Variants in PDE4B observed in about 807,000 individuals in gnomAD.
PDE4B encodes the protein phosphodiesterase 4B.
Under a neutral mutation model 82.2 loss-of-function variants are expected in PDE4B, and 20 were observed. That is an observed-to-expected ratio of 0.24 (90% CI 0.17 to 0.35). The LOEUF (loss-of-function observed/expected upper bound fraction) is 0.35. PDE4B is among the 10% of genes least tolerant of loss of function. PDE4B has a pLI of 1.00. For synonymous variants in PDE4B, 320 were observed against 318.9 expected (o/e 1.00, Z -0.04); for missense variants, 655 against 907.2 (o/e 0.72, Z 3.57).
chr1:66,317,166 C>G (rs750238594), intron 7 of PDE4B, among the ~76,000 whole-genome samples: 1 of 152,184 alleles, frequency 6.6e-6, no homozygotes, highest in South Asian at 2.1e-4. Context: ...GTTAATCTTT[C>G]CTAACACACA....
intron 7 of PDE4B, among the ~76,000 whole-genome samples, chr1:66,304,659 A>G (rs1658142170): frequency 6.6e-6 from 1 of 152,116 alleles, no homozygotes. Flanking sequence ...ATCATCTGGG[A>G]AGCCTTTTGA....
intron 3 of PDE4B, among the ~76,000 whole-genome samples, chr1:66,036,554 A>G (rs1158216403): frequency 6.6e-6 from 1 of 152,114 alleles, no homozygotes; most frequent in African/African-American, 2.4e-5. Context: ...CTGTTTTCTC[A>G]ACAGCATTTA....
chr1:66,083,456 A>G (rs1289476377), intron 3 of PDE4B, among the ~76,000 whole-genome samples: 2 of 152,130 alleles, frequency 1.3e-5, no homozygotes, highest in African/African-American at 2.4e-5. Context: ...AAGGGGTGCT[A>G]GGTATTGTAC....
intron 7 of PDE4B, among the ~76,000 whole-genome samples, chr1:66,306,025 T>A (rs551887485): frequency 6.6e-6 from 1 of 152,114 alleles, no homozygotes; most frequent in Non-Finnish European, 1.5e-5. Context: ...AAGCCTGATG[T>A]AGGCCTTGAT....
chr1:66,286,413 C>T (rs1656680561), intron 7 of PDE4B, among the ~76,000 whole-genome samples: 1 of 152,070 alleles, frequency 6.6e-6, no homozygotes. Context: ...AGATGCAGGA[C>T]TAGGTGATTT....
At chr1:66,018,315 G>T (rs1652894702) in intron 3 of PDE4B, among the ~76,000 whole-genome samples, 1 of 152,184 alleles carries the variant, frequency 6.6e-6, no homozygotes, top group South Asian at 2.1e-4. Flanking sequence ...AGCTAGTCGG[G>T]AGGCTGAGGT....
intron 12 of PDE4B, among the ~76,000 whole-genome samples, chr1:66,364,954 T>C (rs1663120659): frequency 6.6e-6 from 1 of 152,128 alleles, no homozygotes; most frequent in Non-Finnish European, 1.5e-5. Context: ...TCACAGAGGA[T>C]GAGGAAAGAC....
chr1:66,287,749 C>G (rs1337105806), intron 7 of PDE4B, among the ~76,000 whole-genome samples: 1 of 152,130 alleles, frequency 6.6e-6, no homozygotes, highest in Non-Finnish European at 1.5e-5. Context: ...GGGAGGATTT[C>G]TTGAGGCCAG....
At chr1:66,162,359 T>A (rs1203952951) in intron 3 of PDE4B, among the ~76,000 whole-genome samples, 1 of 126,728 alleles carries the variant, frequency 7.9e-6, no homozygotes, top group African/African-American at 2.8e-5. Flanking sequence ...CATTCACATA[T>A]AGCATCTAAT....
chr1:66,204,286 C>T (rs958309063), intron 3 of PDE4B, among the ~76,000 whole-genome samples: 28 of 152,338 alleles, frequency 1.8e-4, no homozygotes, highest in African/African-American at 4.3e-4. Context: ...TTAGGCTGCT[C>T]GGGGGTCAGG....
chr1:65,990,514 T>C (rs2100675587), intron 3 of PDE4B, among the ~76,000 whole-genome samples: 1 of 152,268 alleles, frequency 6.6e-6, no homozygotes, highest in South Asian at 2.1e-4. Context: ...TGGAGGAAAG[T>C]CCCAGCTTTG....
At chr1:66,084,067 C>T (rs192043657) in intron 3 of PDE4B, among the ~76,000 whole-genome samples, 4 of 152,130 alleles carry the variant, frequency 2.6e-5, no homozygotes, top group East Asian at 3.9e-4. Context: ...TGGGTCCATG[C>T]GGTCAGTACA....
intron 1 of PDE4B, among the ~76,000 whole-genome samples, chr1:65,880,056 G>A (rs1255654724): frequency 6.6e-6 from 1 of 152,206 alleles, no homozygotes; most frequent in Non-Finnish European, 1.5e-5. Flanking sequence ...CAAAGGTGAT[G>A]CTGATGTGTC....
chr1:65,931,419 T>A (rs1647826469), intron 3 of PDE4B, among the ~76,000 whole-genome samples: 1 of 152,174 alleles, frequency 6.6e-6, no homozygotes, highest in Non-Finnish European at 1.5e-5. Flanking sequence ...CAAAATATCC[T>A]ACAGACTGGC....
chr1:66,328,750 A>C (rs955307220), intron 7 of PDE4B, among the ~76,000 whole-genome samples: 2 of 152,054 alleles, frequency 1.3e-5, no homozygotes, highest in Non-Finnish European at 2.9e-5. Flanking sequence ...CTCCATCCCC[A>C]ATCAGGGTAT....
chr1:66,244,907 G>A (rs1653186800), intron 3 of PDE4B, among the ~76,000 whole-genome samples: 1 of 152,166 alleles, frequency 6.6e-6, no homozygotes, highest in African/African-American at 2.4e-5. Flanking sequence ...TAATACTAGG[G>A]ACAGAATGCC....
intron 3 of PDE4B, among the ~76,000 whole-genome samples, chr1:66,071,412 C>A (rs1372824187): frequency 6.6e-6 from 1 of 152,060 alleles, no homozygotes; most frequent in African/African-American, 2.4e-5. Context: ...GAATATTAAA[C>A]TCCAATGTTG....
chr1:65,816,191 G>GTGTGTGTGTGTC (rs1645881929), intron 1 of PDE4B, among the ~76,000 whole-genome samples: 2 of 416 alleles, frequency 4.8e-3, no homozygotes, highest in African/African-American at 7.2e-3. Flanking sequence ...TATTAATGCA[G>GTGTGTGTGTGTC]TGTGTGTGTG....
At chr1:66,129,064 A>G (rs746722526) in intron 3 of PDE4B, among the ~76,000 whole-genome samples, 1 of 152,232 alleles carries the variant, frequency 6.6e-6, no homozygotes, top group Non-Finnish European at 1.5e-5. Context: ...GATTTGCTTT[A>G]CACAAATCTG....
Sources: allele counts gnomAD v4.1 joint callset (sites outside exome capture counted in the v4.1 genomes callset), GRCh38; gene constraint gnomAD v4.1.1; transcripts MANE v1.5; gene names NCBI Gene and HGNC (gene_info 2026-07-23, HGNC 2026-07-21).